The following TSKS variants were observed in gnomAD, a reference collection of about 807,000 sequenced individuals.
TSKS encodes testis specific serine kinase substrate.
In TSKS, 27 loss-of-function variants were observed where a neutral mutation model predicts 68.0. That is an observed-to-expected ratio of 0.40 (90% CI 0.29 to 0.55). The LOEUF is 0.55. TSKS is among the 20% of genes least tolerant of loss of function. The pLI is 0.53. For missense variants in TSKS, 806 were observed against 776.0 expected, an observed-to-expected ratio of 1.04 and a Z score of -0.46; for synonymous variants, 331 against 340.4, an observed-to-expected ratio of 0.97 and a Z score of 0.30.
At chr19:49,748,587 A>G in intron 2 of TSKS, 118 bp from the exon 3 acceptor site, 1 of 934,094 alleles carries the variant, frequency 1.1e-6, no homozygotes, top group Non-Finnish European at 1.6e-6. Context: ...TGGAATGGCT[A>G]TGTGACTTGG....
At chr19:49,739,998 G>C in intron 10 of TSKS, 61 bp downstream of exon 10, 3 of 1,610,522 alleles carry the variant, frequency 1.9e-6, no homozygotes, top group Non-Finnish European at 1.7e-6. Flanking sequence ...AGTGGAAGGG[G>C]AGATCAGGCC....
rs2084303676 is a variant in TSKS at position 49,746,627 on chromosome 19, A to G, written c.835T>C (p.Ser279Pro). Residue 279 changes from serine to proline, a missense_variant, in exon 6 of 11, where the codon TCC (serine) becomes CCC (proline). Coordinates refer to ENST00000246801, the MANE Select transcript of TSKS (RefSeq NM_021733.2). ...SWNSLGPAAT[S>P]QGCPGPPGSP... ...CCTGGCGGGCCGGGGCAGCCCTGGGACGTGGCGGCGGGGCCCAGGCTGTTC... is the reference window on the plus strand; with the variant it reads ...CCTGGCGGGCCGGGGCAGCCCTGGGGCGTGGCGGCGGGGCCCAGGCTGTTC... 5 of 1,609,940 alleles carry G rather than the reference A, an allele frequency of 3.1e-6. No homozygotes were observed. Among genetic ancestry groups the G allele is most frequent in the Non-Finnish European group, 4.2e-6 (5 of 1,179,524 alleles).
chr19:49,742,075 C>T (rs2084257202), intron 8 of TSKS, 55 bp from the exon 9 acceptor site: 2 of 1,592,980 alleles, frequency 1.3e-6, no homozygotes, highest in Non-Finnish European at 1.7e-6. Context: ...CCAGGACGCC[C>T]CATGCCCCAT....
Position 49,763,091 on chromosome 19 carries a change from C to A in TSKS, c.157G>T (p.Val53Leu). Residue 53 changes from valine (V) to leucine (L), a missense_variant, in exon 1 of 11, where the codon GTG becomes TTG. Physicochemically the swap from Val to Leu is conservative, Grantham distance 32 (BLOSUM62 1). Transcript: ENST00000246801. The surrounding 1 kb of genome is among the most constrained non-coding windows in gnomAD (Gnocchi z 4.5). ...AKGIPKKKKA[V>L]SFHGVEPQMS... ...CAACAAACCCACCCGTGGAACGACA[C>A]GGCCTTCTTTTTCTTCGGGATCCCC... 6.2e-7 allele frequency: 1 copy of A among 1,612,038 alleles called. No individual in the cohort carries two copies. Among genetic ancestry groups the A allele is most frequent in the Non-Finnish European group, 8.5e-7 (1 of 1,179,020 alleles).
At chr19:49,748,282 G>C (rs1206789074) in intron 3 of TSKS, 92 bp downstream of exon 3, 1 of 1,556,452 alleles carries the variant, frequency 6.4e-7, no homozygotes, top group East Asian at 2.2e-5. Context: ...CTCCCCAACT[G>C]AGCTATGGGT....
rs144160204 is a variant in TSKS at position 49,763,210 on chromosome 19, T to C, written c.38A>G (p.Lys13Arg). 2.5e-5 allele frequency: 39 copies of C among 1,549,560 alleles called. No individual in the cohort carries two copies. Among genetic ancestry groups the C allele is most frequent in the South Asian group, 2.0e-4 (17 of 83,484 alleles). ...GGTGTCCCCGGCCTCATGGATCTCT[T>C]TGGACTGCCAGATCGTCTTCACCAC... Reference protein sequence around the residue: ...SVVVKTIWQSKEIHEAGDTPT... With the variant: ...SVVVKTIWQSREIHEAGDTPT... Residue 13 changes from lysine (K) to arginine (R), a missense_variant, in exon 1 of 11, where the codon AAA (lysine) becomes AGA (arginine). Coordinates refer to ENST00000246801, the MANE Select transcript of TSKS (RefSeq NM_021733.2). The surrounding 1 kb of genome is among the most constrained non-coding windows in gnomAD (Gnocchi z 4.5).
intron 6 of TSKS, 80 bp downstream of exon 6, chr19:49,746,390 C>CCCA (rs1352821279): frequency 6.5e-7 from 1 of 1,541,610 alleles, no homozygotes. Context: ...TTGGGTCCCG[C>CCCA]CCACCGCATC....
intron 2 of TSKS, among the ~76,000 whole-genome samples, chr19:49,755,388 A>C (rs896974937): frequency 6.6e-6 from 1 of 152,202 alleles, no homozygotes. Context: ...CCAAGAAGCC[A>C]AATGAACTCC....
chr19:49,761,781 C>T (rs927684335), intron 2 of TSKS, among the ~76,000 whole-genome samples: 2 of 151,826 alleles, frequency 1.3e-5, no homozygotes, highest in African/African-American at 4.8e-5. Context: ...TTGGGCAACA[C>T]AGTGAGACTG....
Position 49,747,468 on chromosome 19 carries a change from T to C in TSKS, c.584A>G (p.Asn195Ser). The change falls in exon 5 of 11, where the codon AAC becomes AGC. Residue 195 changes from asparagine (N) to serine (S), a missense_variant. Asn to Ser is a conservative substitution (Grantham distance 46). Transcript: ENST00000246801. ...LEGYCIQLKE[N>S]CWKVTRSVED... Reference sequence around the variant, plus strand: ...CACAGACCGGGTCACCTTCCAGCAGTTCTCCTGGGTCAGACACCAGGGCGA... The same window carrying C: ...CACAGACCGGGTCACCTTCCAGCAGCTCTCCTGGGTCAGACACCAGGGCGA... The C allele has an allele frequency of 6.2e-7, 1 of 1,614,200 alleles. No homozygotes were observed. Among genetic ancestry groups the C allele is most frequent in the Non-Finnish European group, 8.5e-7 (1 of 1,180,030 alleles).
rs1485656848 is a variant in TSKS, at chr19:49,762,200, T to G, written c.203A>C (p.His68Pro). 1 of 1,613,912 alleles carries G rather than the reference T, an allele frequency of 6.2e-7. No individual in the cohort carries two copies. The highest frequency in any genetic ancestry group is 8.5e-7 in the Non-Finnish European group (1 of 1,180,008). The change falls in exon 2 of 11, where the codon CAC becomes CCC. Residue 68 changes from histidine (H) to proline (P), a missense_variant. Physicochemically the swap from His to Pro is moderately conservative, Grantham distance 77 (BLOSUM62 -2). Coordinates refer to ENST00000246801, the MANE Select transcript of TSKS (RefSeq NM_021733.2). ...VEPQMSHQPMHWCLNLKRSSA... is the reference protein window; with the variant it reads ...VEPQMSHQPMPWCLNLKRSSA... Reference sequence around the variant, plus strand: ...GGACCGTTTGAGGTTCAGGCACCAGTGCATGGGCTGATGGGACATCTGGGG... The same window carrying G: ...GGACCGTTTGAGGTTCAGGCACCAGGGCATGGGCTGATGGGACATCTGGGG...
At chr19:49,758,456 T>C (rs144034379) in intron 2 of TSKS, among the ~76,000 whole-genome samples, 92 of 152,304 alleles carry the variant, frequency 6.0e-4, no homozygotes, top group African/African-American at 2.1e-3. Flanking sequence ...TGGGGTACTT[T>C]CTCAGGCTTC....
At chr19:49,750,638 C>T (rs28711468) in intron 2 of TSKS, among the ~76,000 whole-genome samples, 8,556 of 152,064 alleles carry the variant, frequency 0.056, 433 homozygotes, top group African/African-American at 0.13. Context: ...CAGTTCCAGC[C>T]GATGGAAGGG....
At chr19:49,740,453 C>T (rs185027174) in intron 9 of TSKS, 7 of 446,780 alleles carry the variant, frequency 1.6e-5, no homozygotes, top group East Asian at 3.9e-5. Flanking sequence ...CAGTGCCTAT[C>T]GTCTGTCTCC....
At chr19:49,747,134 C>T (rs746391102) in intron 5 of TSKS, 166 of 1,531,732 alleles carry the variant, frequency 1.1e-4, no homozygotes, top group Non-Finnish European at 1.4e-4. Flanking sequence ...GTGGACAGGA[C>T]GGGCCTTCTC....
Position 49,762,146 on chromosome 19 carries a change from T to C in TSKS, c.257A>G (p.Asn86Ser), listed in dbSNP as rs149014188. The change falls in exon 2 of 11, where the codon AAC (asparagine) becomes AGC (serine). Residue 86 changes from asparagine to serine, a missense_variant. Physicochemically the swap from Asn to Ser is conservative, Grantham distance 46. Coordinates refer to ENST00000246801, the MANE Select transcript of TSKS (RefSeq NM_021733.2). ...GTCAGTGGGCTCCATGGCGGCCAGG[T>C]TGAGCAGTGACACGTTGGTGCAGGC... ...SSACTNVSLL[N>S]LAAMEPTDST... 2.5e-6 allele frequency: 4 copies of C among 1,613,952 alleles called. No homozygotes were observed. Among genetic ancestry groups the C allele is most frequent in the Non-Finnish European group, 3.4e-6 (4 of 1,180,016 alleles).
At chr19:49,750,935 T>A (rs1272379075) in intron 2 of TSKS, among the ~76,000 whole-genome samples, 2 of 152,168 alleles carry the variant, frequency 1.3e-5, no homozygotes, top group Admixed American at 1.3e-4. Flanking sequence ...CAGCAACACA[T>A]TTCTTGCATG....
Position 49,744,384 on chromosome 19 carries a change from G to A in TSKS, c.1208C>T (p.Ser403Phe), listed in dbSNP as rs146598900. Reference protein sequence around the residue: ...LCTMVERSAVSVASLRSELEG... With the variant: ...LCTMVERSAVFVASLRSELEG... ...CAGTTCGCTCCTCAGTGAAGCCACA[G>A]ACACTGCTGACCGCTCCACCCTGAG... is the stretch of plus-strand genomic sequence containing the variant. Residue 403 changes from serine to phenylalanine, a missense_variant, in exon 8 of 11, where the codon TCT (serine) becomes TTT (phenylalanine). Coordinates refer to ENST00000246801, the MANE Select transcript of TSKS (RefSeq NM_021733.2). 971 of 1,614,042 alleles carry A rather than the reference G, an allele frequency of 6.0e-4. 3 individuals are homozygous for A. The highest frequency in any genetic ancestry group is 6.3e-4 in the Non-Finnish European group (740 of 1,179,966).
intron 2 of TSKS, among the ~76,000 whole-genome samples, chr19:49,755,157 C>G (rs920036796): frequency 6.6e-6 from 1 of 152,098 alleles, no homozygotes; most frequent in African/African-American, 2.4e-5. Flanking sequence ...CTAGAGGGGG[C>G]TCTGTAGCAG....
Sources: gnomAD v4.1 joint callset for allele counts (sites outside exome capture counted in the v4.1 genomes callset) on GRCh38, gnomAD v4.1.1 for gene constraint, Gnocchi (gnomAD v3.1) non-coding constraint, MANE v1.5 for transcripts, NCBI Gene and HGNC (gene_info 2026-07-23, HGNC 2026-07-21) for gene names.